RASSF6: variants seen among roughly 807,000 people sequenced by gnomAD.
The protein encoded by RASSF6 is ras association domain-containing protein 6.
A neutral mutation model predicts 44.0 loss-of-function variants in RASSF6; 52 were observed. The ratio of observed to expected loss-of-function variants is 1.18; its 90% CI spans 0.95 to 1.49. The LOEUF is 1.49. Among genes scored for constraint, RASSF6 ranks in the 40% most tolerant of loss-of-function variants. The pLI, the probability that RASSF6 is intolerant of heterozygous loss-of-function variation, is 0.00. For synonymous variants in RASSF6, 162 were observed against 124.6 expected (o/e 1.30, Z -2.00); for missense variants, 464 against 393.3 (o/e 1.18, Z -1.52).
chr4:73,610,235 G>A (rs1725915418), intron 2 of RASSF6, among the ~76,000 whole-genome samples: 1 of 152,078 alleles, frequency 6.6e-6, no homozygotes, highest in Non-Finnish European at 1.5e-5. Flanking sequence ...AAATCCTATT[G>A]TGTTGGTCTT....
intron 8 of RASSF6, among the ~76,000 whole-genome samples, chr4:73,577,898 G>T (rs1723338519): frequency 1.3e-5 from 2 of 152,144 alleles, no homozygotes; most frequent in African/African-American, 4.8e-5. Flanking sequence ...TATTTTAAGT[G>T]AACTCTATAG....
intron 3 of RASSF6, among the ~76,000 whole-genome samples, chr4:73,594,546 C>A (rs1724803501): frequency 6.6e-6 from 1 of 152,182 alleles, no homozygotes; most frequent in Non-Finnish European, 1.5e-5. Flanking sequence ...GAAAAACAGA[C>A]ATTATGATAA....
chr4:73,582,324 T>G (rs568458801), intron 6 of RASSF6, 34 bp from the exon 7 acceptor site: 2 of 1,095,396 alleles, frequency 1.8e-6, no homozygotes, highest in East Asian at 2.6e-5. Context: ...GTCTTTAAAA[T>G]TATATTATAT....
chr4:73,576,361 T>C, intron 10 of RASSF6, 49 bp downstream of exon 10: 4 of 1,464,258 alleles, frequency 2.7e-6, no homozygotes, highest in Non-Finnish European at 3.8e-6. Context: ...ATTTTGTGCA[T>C]TGGACATATT....
chr4:73,600,607 T>C (rs1250084622), intron 2 of RASSF6, among the ~76,000 whole-genome samples: 1 of 152,198 alleles, frequency 6.6e-6, no homozygotes, highest in Non-Finnish European at 1.5e-5. Flanking sequence ...ACAGAATTTA[T>C]ATATACTGAC....
chr4:73,585,478 T>TA, intron 5 of RASSF6, 114 bp from the exon 6 acceptor site: 1 of 674,332 alleles, frequency 1.5e-6, no homozygotes, highest in Non-Finnish European at 2.3e-6. Context: ...TCTGGCTGTG[T>TA]AAAAGCATTA....
chr4:73,615,812 GCGTTC>G, intron 1 of RASSF6: 1 of 1,162,504 alleles, frequency 8.6e-7, no homozygotes, highest in South Asian at 1.3e-5. Flanking sequence ...GGCAGCATTA[GCGTTC>G]CAGCAATGCT....
intron 4 of RASSF6, among the ~76,000 whole-genome samples, chr4:73,590,899 C>T (rs947432422): frequency 6.6e-6 from 1 of 152,140 alleles, no homozygotes; most frequent in Middle Eastern, 3.2e-3. Context: ...CAGCAATGTA[C>T]TAATAAACAA....
chr4:73,592,880 G>C (rs1203601055), intron 4 of RASSF6, among the ~76,000 whole-genome samples: 1 of 152,178 alleles, frequency 6.6e-6, no homozygotes, highest in Non-Finnish European at 1.5e-5. Flanking sequence ...GAGCAGAGGA[G>C]TCAAGACCAC....
At chr4:73,620,622 G>C (rs1726642029), upstream of RASSF6, 6 of 647,966 alleles carry the variant, frequency 9.3e-6, no homozygotes, top group Non-Finnish European at 1.0e-5. Context: ...GCCACTCCCT[G>C]TGCCTCAGTG....
At chr4:73,618,074 T>C (rs1178287224) in intron 1 of RASSF6, among the ~76,000 whole-genome samples, 1 of 152,146 alleles carries the variant, frequency 6.6e-6, no homozygotes, top group African/African-American at 2.4e-5. Flanking sequence ...TTTAATTACA[T>C]GCTTAAAAGA....
At chr4:73,592,877 G>C (rs1438802944) in intron 4 of RASSF6, among the ~76,000 whole-genome samples, 1 of 152,164 alleles carries the variant, frequency 6.6e-6, no homozygotes, top group Admixed American at 6.5e-5. Context: ...GCAGAGCAGA[G>C]GAGTCAAGAC....
At chr4:73,609,235 C>T (rs570124971) in intron 2 of RASSF6, among the ~76,000 whole-genome samples, 1 of 152,186 alleles carries the variant, frequency 6.6e-6, no homozygotes, top group Admixed American at 6.5e-5. Flanking sequence ...ATTTATTCAC[C>T]TCTAAAGTGC....
intron 8 of RASSF6, among the ~76,000 whole-genome samples, chr4:73,581,334 C>T (rs116318355): frequency 0.013 from 2,039 of 152,274 alleles, 46 homozygotes; most frequent in African/African-American, 0.046. Flanking sequence ...TCTAACCTTT[C>T]ACCCCTCACC....
intron 8 of RASSF6, 116 bp downstream of exon 8, chr4:73,581,701 C>T: frequency 1.6e-6 from 1 of 627,038 alleles, no homozygotes; most frequent in Non-Finnish European, 2.8e-6. Context: ...TCCTTTTCTC[C>T]TACCCATTCC....
intron 5 of RASSF6, among the ~76,000 whole-genome samples, chr4:73,586,112 A>T (rs1404964582): frequency 2.6e-5 from 4 of 151,128 alleles, no homozygotes; most frequent in Non-Finnish European, 5.9e-5. Flanking sequence ...TATGTGGAGC[A>T]TTGAAAGATT....
intron 4 of RASSF6, among the ~76,000 whole-genome samples, chr4:73,588,471 T>C (rs1174337509): frequency 3.3e-5 from 5 of 152,040 alleles, no homozygotes; most frequent in African/African-American, 1.2e-4. Flanking sequence ...GCCAGAAAAT[T>C]ATGATTTCAT....
chr4:73,616,084 T>C (rs1296833024), intron 1 of RASSF6: 2 of 699,680 alleles, frequency 2.9e-6, no homozygotes, highest in African/African-American at 1.8e-5. Context: ...GTTCCTTCTC[T>C]GCACCTGCTA....
chr4:73,614,485 A>G (rs1052031399), intron 1 of RASSF6, among the ~76,000 whole-genome samples: 4 of 152,180 alleles, frequency 2.6e-5, no homozygotes, highest in African/African-American at 9.7e-5. Flanking sequence ...AAGACCATCT[A>G]AGAACCAGAC....
Sources: gnomAD v4.1 joint callset for allele counts (sites outside exome capture counted in the v4.1 genomes callset) on GRCh38, gnomAD v4.1.1 for gene constraint, MANE v1.5 for transcripts, NCBI Gene and HGNC (gene_info 2026-07-23, HGNC 2026-07-21) for gene names.